The following DDAH1 variants were observed in gnomAD, a reference collection of about 807,000 sequenced individuals.
DDAH1 encodes dimethylarginine dimethylaminohydrolase 1, also known as N(G),N(G)-dimethylarginine dimethylaminohydrolase 1.
A neutral mutation model predicts 28.8 loss-of-function variants in DDAH1; 19 were observed. The observed-to-expected ratio is 0.66, with a 90% CI of 0.46 to 0.97. The LOEUF (loss-of-function observed/expected upper bound fraction) is 0.97, where lower values mean the gene tolerates loss of function less well. Among genes scored for constraint, DDAH1 ranks in the 50% least tolerant of loss-of-function variants. DDAH1 has a pLI of 0.00. For synonymous variants in DDAH1, 153 were observed against 154.4 expected (o/e 0.99, Z 0.07); for missense variants, 326 against 375.9 (o/e 0.87, Z 1.10).
intron 1 of DDAH1, among the ~76,000 whole-genome samples, chr1:85,574,232 G>T (rs1458860264): frequency 6.6e-6 from 1 of 152,190 alleles, no homozygotes; most frequent in Non-Finnish European, 1.5e-5. Context: ...CCTGAGTCAT[G>T]GCATGGTGTT....
chr1:85,357,222 G>A (rs1208120561), intron 2 of DDAH1, among the ~76,000 whole-genome samples: 1 of 152,094 alleles, frequency 6.6e-6, no homozygotes, highest in East Asian at 1.9e-4. Context: ...TGCAGCGTAG[G>A]CCTTCTTGAC....
intron 1 of DDAH1, among the ~76,000 whole-genome samples, chr1:85,573,380 T>A (rs961728686): frequency 2.6e-5 from 4 of 152,228 alleles, no homozygotes; most frequent in Non-Finnish European, 4.4e-5. Context: ...GCTGATTCTC[T>A]CAATCTGGAG....
chr1:85,432,919 T>C (rs1653759417), intron 1 of DDAH1, among the ~76,000 whole-genome samples: 1 of 152,028 alleles, frequency 6.6e-6, no homozygotes, highest in African/African-American at 2.4e-5. Context: ...AACAAAACAA[T>C]ACCCTAGACC....
intron 1 of DDAH1, among the ~76,000 whole-genome samples, chr1:85,417,752 G>GTATTTGCCCTA (rs1283500844): frequency 6.6e-6 from 1 of 152,138 alleles, no homozygotes; most frequent in Non-Finnish European, 1.5e-5. Context: ...CAAATAGTAT[G>GTATTTGCCCTA]TATTTGCCCT....
At chr1:85,351,644 T>C (rs1649215261) in intron 2 of DDAH1, 65 bp from the exon 3 acceptor site, 10 of 1,211,704 alleles carry the variant, frequency 8.3e-6, no homozygotes, top group African/African-American at 1.5e-5. Flanking sequence ...ATTTCTTTTA[T>C]CTATAAATAA....
intron 3 of DDAH1, among the ~76,000 whole-genome samples, chr1:85,351,200 A>G (rs1302523233): frequency 6.6e-6 from 1 of 151,864 alleles, no homozygotes; most frequent in Non-Finnish European, 1.5e-5. Flanking sequence ...CCGGCCTTCC[A>G]GATTTTTTTT....
At chr1:85,420,982 T>C (rs1410683154) in intron 1 of DDAH1, among the ~76,000 whole-genome samples, 1 of 152,076 alleles carries the variant, frequency 6.6e-6, no homozygotes, top group African/African-American at 2.4e-5. Flanking sequence ...CTTCCAATCA[T>C]GGCGGAAGGT....
chr1:85,561,439 A>G (rs1659138507), intron 1 of DDAH1, among the ~76,000 whole-genome samples: 1 of 151,780 alleles, frequency 6.6e-6, no homozygotes, highest in Admixed American at 6.6e-5. Context: ...AATTGCACCA[A>G]CCTAATAGAA....
intron 1 of DDAH1, among the ~76,000 whole-genome samples, chr1:85,408,465 T>G (rs968132105): frequency 6.6e-6 from 1 of 152,232 alleles, no homozygotes. Flanking sequence ...TTGATTTACA[T>G]GTTTTCCCTG....
intron 1 of DDAH1, among the ~76,000 whole-genome samples, chr1:85,510,179 A>C (rs2100749448): frequency 6.6e-6 from 1 of 152,328 alleles, no homozygotes; most frequent in East Asian, 1.9e-4. Context: ...GCCAGAAGAA[A>C]GTGGGGGCCA....
intron 4 of DDAH1, among the ~76,000 whole-genome samples, chr1:85,345,982 TAACTC>T (rs764831388): frequency 2.6e-5 from 4 of 152,218 alleles, no homozygotes; most frequent in Non-Finnish European, 5.9e-5. Context: ...CACACACTAT[TAACTC>T]TACTATAATC....
intron 1 of DDAH1, among the ~76,000 whole-genome samples, chr1:85,461,411 G>A (rs530920892): frequency 6.6e-6 from 1 of 152,224 alleles, no homozygotes; most frequent in African/African-American, 2.4e-5. Context: ...GAATTCCAAG[G>A]AAGAAAAGTC....
intron 1 of DDAH1, among the ~76,000 whole-genome samples, chr1:85,431,001 C>T (rs1228275174): frequency 1.3e-5 from 2 of 152,094 alleles, no homozygotes; most frequent in Non-Finnish European, 2.9e-5. Flanking sequence ...CAGCTTTTAC[C>T]CGTTCAGTGT....
intron 2 of DDAH1, among the ~76,000 whole-genome samples, chr1:85,487,920 A>C (rs1381893340): frequency 6.6e-6 from 1 of 152,118 alleles, no homozygotes; most frequent in African/African-American, 2.4e-5. Context: ...GCAGTGGTTT[A>C]CACCTATGAT....
chr1:85,442,197 G>A (rs950544475), intron 1 of DDAH1, among the ~76,000 whole-genome samples: 1 of 152,084 alleles, frequency 6.6e-6, no homozygotes, highest in African/African-American at 2.4e-5. Flanking sequence ...CCCCACGACA[G>A]GCCCCAGTGT....
intron 1 of DDAH1, among the ~76,000 whole-genome samples, chr1:85,572,274 C>T (rs1479327034): frequency 6.6e-6 from 1 of 152,050 alleles, no homozygotes; most frequent in African/African-American, 2.4e-5. Context: ...GCCACAGTTA[C>T]TGAAAACACA....
chr1:85,539,916 C>T (rs1313094569), intron 1 of DDAH1, among the ~76,000 whole-genome samples: 1 of 150,972 alleles, frequency 6.6e-6, no homozygotes, highest in East Asian at 1.9e-4. Flanking sequence ...GTGACCAGTG[C>T]TTTACATATA....
At chr1:85,397,345 T>C (rs945855513) in intron 1 of DDAH1, among the ~76,000 whole-genome samples, 1 of 152,166 alleles carries the variant, frequency 6.6e-6, no homozygotes, top group Non-Finnish European at 1.5e-5. Context: ...TAGCACTGGA[T>C]TGGGTAAGAA....
At chr1:85,352,879 C>T (rs1649295231) in intron 2 of DDAH1, among the ~76,000 whole-genome samples, 1 of 135,638 alleles carries the variant, frequency 7.4e-6, no homozygotes, top group African/African-American at 2.5e-5. Flanking sequence ...TATTATACTA[C>T]CTTTTTTTTT....
Sources: gnomAD v4.1 joint callset for allele counts (sites outside exome capture counted in the v4.1 genomes callset) on GRCh38, gnomAD v4.1.1 for gene constraint, MANE v1.5 for transcripts, NCBI Gene and HGNC (gene_info 2026-07-23, HGNC 2026-07-21) for gene names.